TDRD1: variants seen among roughly 807,000 people sequenced by gnomAD.
TDRD1 encodes the protein tudor domain-containing protein 1.
In TDRD1, 37 loss-of-function variants were observed where a neutral mutation model predicts 140.6. The observed-to-expected ratio is 0.26, with a 90% CI of 0.20 to 0.35. The LOEUF is 0.35. TDRD1 is among the 10% of genes least tolerant of loss of function. The probability of loss-of-function intolerance (pLI) is 1.00; values close to 1 mark genes in which losing one functional copy is unlikely to be tolerated. For synonymous variants in TDRD1, 506 were observed against 475.7 expected (o/e 1.06, Z -0.83); for missense variants, 1,243 against 1,393.0 (o/e 0.89, Z 1.71).
chr10:114,180,738 A>G (rs544108808), intron 1 of TDRD1, among the ~76,000 whole-genome samples: 1 of 152,354 alleles, frequency 6.6e-6, no homozygotes, highest in South Asian at 2.1e-4. Flanking sequence ...TGCTGGGATT[A>G]CAGGCGTGAG....
chr10:114,201,003 G>A (rs962540004), intron 4 of TDRD1, among the ~76,000 whole-genome samples: 9 of 151,036 alleles, frequency 6.0e-5, no homozygotes, highest in Non-Finnish European at 8.8e-5. Flanking sequence ...ACAGGTGCCC[G>A]TCACCATGCC....
exon 8 of TDRD1, chr10:114,203,467 A>G (rs2034895105): frequency 6.2e-7 from 1 of 1,614,076 alleles, no homozygotes; most frequent in Non-Finnish European, 8.5e-7. Flanking sequence ...TACATGAACC[A>G]ACTCTCTGCC....
intron 3 of TDRD1, among the ~76,000 whole-genome samples, chr10:114,193,174 A>G (rs2034103173): frequency 6.7e-6 from 1 of 149,802 alleles, no homozygotes; most frequent in African/African-American, 2.5e-5. Context: ...TAAGTATTTG[A>G]TTTTTTTGAG....
chr10:114,198,685 C>T (rs1171974340), intron 3 of TDRD1, among the ~76,000 whole-genome samples: 3 of 152,130 alleles, frequency 2.0e-5, no homozygotes, highest in South Asian at 2.1e-4. Context: ...CTGTGTTGGC[C>T]AGGCTGGAGT....
exon 23 of TDRD1, chr10:114,227,095 T>A (rs781231617): frequency 7.4e-5 from 115 of 1,563,190 alleles, no homozygotes; most frequent in Non-Finnish European, 9.7e-5. Flanking sequence ...GAATGGAAGC[T>A]CTTCTCAATT....
chr10:114,183,422 AT>A (rs2033257943), intron 1 of TDRD1, among the ~76,000 whole-genome samples: 1 of 152,190 alleles, frequency 6.6e-6, no homozygotes, highest in Non-Finnish European at 1.5e-5. Context: ...AAAATGATTC[AT>A]TCAATATAAT....
At chr10:114,186,486 G>A (rs918284718) in intron 1 of TDRD1, among the ~76,000 whole-genome samples, 3 of 145,422 alleles carry the variant, frequency 2.1e-5, no homozygotes, top group Non-Finnish European at 4.5e-5. Flanking sequence ...AGATGATCTC[G>A]ATCTCCTGAC....
rs1410082732 is a variant in TDRD1 at position 114,201,638 on chromosome 10, A to C, written c.635+123A>C. 3 of 693,230 alleles carry C rather than the reference A, an allele frequency of 4.3e-6. No individual in the cohort carries two copies. In the Admixed American group the frequency reaches 8.5e-5, roughly 20 times the overall value. The allele number at this position is 693,230 out of a possible 1,614,324, so 42.9% of individuals were successfully genotyped here. A position where few individuals can be genotyped will look rare whatever the true frequency, so the allele number is the denominator to read the frequency against. ...TTACTTTTTCTTAAGCTCTATAACA[A>C]AGTGTACAAATCTGAAGTGAACAGC... On this transcript the variant is annotated intron_variant, in intron 5 of 25. Transcript: ENST00000251864.
intron 18 of TDRD1, 63 bp from the exon 19 acceptor site, chr10:114,220,505 A>T: frequency 1.7e-6 from 2 of 1,195,606 alleles, no homozygotes; most frequent in Non-Finnish European, 2.4e-6. Context: ...GGTGCTGGGT[A>T]CTACTAAAGC....
chr10:114,198,230 G>A (rs186563143), intron 3 of TDRD1, among the ~76,000 whole-genome samples: 83 of 152,320 alleles, frequency 5.4e-4, no homozygotes, highest in Non-Finnish European at 1.0e-3. Context: ...GACTGAAGGA[G>A]AGGGTATTAG....
chr10:114,223,829 A>G (rs1217120256), intron 21 of TDRD1, among the ~76,000 whole-genome samples: 1 of 152,174 alleles, frequency 6.6e-6, no homozygotes, highest in African/African-American at 2.4e-5. Flanking sequence ...AGAACACAAC[A>G]TGTACTTTCT....
exon 15 of TDRD1, chr10:114,213,445 T>G: frequency 6.2e-7 from 1 of 1,614,084 alleles, no homozygotes; most frequent in South Asian, 1.1e-5. Context: ...GTGGACAAGT[T>G]GGAAAACAGT....
At chr10:114,215,698 G>A (rs12253699) in intron 16 of TDRD1, among the ~76,000 whole-genome samples, 12,009 of 152,036 alleles carry the variant, frequency 0.079, 475 homozygotes, top group African/African-American at 0.086. Flanking sequence ...TGGTTGGTAG[G>A]CCACCATTCC....
exon 10 of TDRD1, chr10:114,204,795 A>C: frequency 2.5e-6 from 4 of 1,608,068 alleles, no homozygotes; most frequent in Non-Finnish European, 3.4e-6. Flanking sequence ...AAAGCTACTA[A>C]ACCACTGTTA....
intron 21 of TDRD1, among the ~76,000 whole-genome samples, chr10:114,225,429 T>C (rs758651144): frequency 9.2e-5 from 14 of 152,186 alleles, no homozygotes; most frequent in Admixed American, 5.2e-4. Context: ...GGATGCTTCT[T>C]GGCTTCCCCA....
chr10:114,202,344 G>T, intron 6 of TDRD1, 46 bp downstream of exon 6: 2 of 1,276,396 alleles, frequency 1.6e-6, no homozygotes, highest in Admixed American at 2.2e-5. Flanking sequence ...CCTCTTTATT[G>T]AATTAAGATG....
At chr10:114,229,977 C>T (rs2036666021) in intron 25 of TDRD1, among the ~76,000 whole-genome samples, 1 of 151,952 alleles carries the variant, frequency 6.6e-6, no homozygotes. Context: ...ACTATAGGTG[C>T]CCGCCACCAC....
chr10:114,193,598 G>T (rs2034143427), intron 3 of TDRD1, among the ~76,000 whole-genome samples: 1 of 152,158 alleles, frequency 6.6e-6, no homozygotes, highest in Non-Finnish European at 1.5e-5. Context: ...ACCAGCCACT[G>T]AAGTCCTTTT....
chr10:114,229,934 C>T (rs1220452627), intron 25 of TDRD1, among the ~76,000 whole-genome samples: 1 of 151,626 alleles, frequency 6.6e-6, no homozygotes, highest in Non-Finnish European at 1.5e-5. Context: ...GGGTTCATGC[C>T]ATTCTCCTGC....
Sources: allele counts gnomAD v4.1 joint callset (sites outside exome capture counted in the v4.1 genomes callset), GRCh38; gene constraint gnomAD v4.1.1; transcripts MANE v1.5; gene names NCBI Gene and HGNC (gene_info 2026-07-23, HGNC 2026-07-21).